The following TP53BP1 variants were observed in gnomAD, a reference collection of about 807,000 sequenced individuals.
TP53BP1 encodes the protein TP53-binding protein 1.
TP53BP1 carries 61 observed loss-of-function variants against 200.8 expected under a neutral mutation model. That is an observed-to-expected ratio of 0.30 (90% CI 0.25 to 0.38). TP53BP1 has a LOEUF of 0.38. TP53BP1 is among the 10% of genes least tolerant of loss of function. TP53BP1 has a pLI of 1.00. For synonymous variants in TP53BP1, 822 were observed against 844.3 expected (o/e 0.97, Z 0.46); for missense variants, 2,144 against 2,371.9 (o/e 0.90, Z 2.00).
At chr15:43,423,657 CAA>C (rs34954998) in intron 18 of TP53BP1, among the ~76,000 whole-genome samples, 1,238 of 110,324 alleles carry the variant, frequency 0.011, 17 homozygotes, top group African/African-American at 0.035. Context: ...GACTCCACCT[CAA>C]AAAAAAAAAA....
At chr15:43,480,846 T>A in intron 5 of TP53BP1, 49 bp downstream of exon 5, 1 of 1,602,582 alleles carries the variant, frequency 6.2e-7, no homozygotes, top group East Asian at 2.2e-5. Flanking sequence ...ACAATCATGT[T>A]AAAGGGAAGT....
At position 43,406,800 on chromosome 15, in the gene TP53BP1, C is replaced by G; in HGVS notation, c.*583G>C. The G allele has an allele frequency of 2.8e-6, 1 of 354,388 alleles. No homozygotes were observed. The highest frequency in any genetic ancestry group is 2.3e-5 in the South Asian group (1 of 43,518). 22.0% of individuals were successfully genotyped at this position (354,388 alleles called of 1,614,324 possible). ...TTTATCTTACGGAAGGTCATTCCAT[C>G]AAGCTTATGGTCACTGTCCCTTCAT... On this transcript the variant is annotated 3_prime_UTR_variant, in exon 28 of 28. Transcript: ENST00000382044.
At position 43,422,143 on chromosome 15, in the gene TP53BP1, G is replaced by C. The variant is rs778644884; in HGVS notation, c.3829-17C>G. ...TTCAGTCTCCTGCAAGGAAAAAATA[G>C]ATACAGAAGATAAAAGATGCCATAA... On this transcript the variant is annotated splice_polypyrimidine_tract_variant and intron_variant, in intron 18 of 27. Transcript: ENST00000382044. The C allele has an allele frequency of 6.8e-6, 11 of 1,608,878 alleles. No homozygotes were observed. The highest frequency in any genetic ancestry group is 7.6e-6 in the Non-Finnish European group (9 of 1,177,832).
In TP53BP1 at chr15:43,407,284, C is replaced by T; in HGVS notation, c.*99G>A. ...CAGCAAATAAAACTATATACAAGAT[C>T]CATGCAAGGAATCCAGTTACACACA... On this transcript the variant is annotated 3_prime_UTR_variant, in exon 28 of 28. Transcript: ENST00000382044. 1.0e-6 allele frequency: 1 copy of T among 975,702 alleles called. No homozygotes were observed. The highest frequency in any genetic ancestry group is 2.4e-5 in the East Asian group (1 of 41,038). The allele number at this position is 975,702 out of a possible 1,614,324, so 60.4% of individuals were successfully genotyped here.
At chr15:43,489,016 C>T (rs1163949299) in intron 4 of TP53BP1, among the ~76,000 whole-genome samples, 1 of 152,248 alleles carries the variant, frequency 6.6e-6, no homozygotes, top group African/African-American at 2.4e-5. Context: ...TCATACTGCA[C>T]ATAGAAATGT....
chr15:43,474,548 G>T, intron 10 of TP53BP1, 125 bp downstream of exon 10: 3 of 539,138 alleles, frequency 5.6e-6, no homozygotes, highest in South Asian at 2.8e-5. Context: ...AGACAAACAT[G>T]AGTCCTACCG....
upstream of TP53BP1, chr15:43,493,310 A>C (rs2140161795): frequency 1.8e-6 from 2 of 1,121,828 alleles, no homozygotes; most frequent in South Asian, 1.6e-5. Flanking sequence ...GGCAGCATGG[A>C]CGTTGCAGGC....
chr15:43,472,916 T>C (rs995978291), intron 10 of TP53BP1, among the ~76,000 whole-genome samples: 5 of 152,166 alleles, frequency 3.3e-5, no homozygotes, highest in African/African-American at 1.2e-4. Context: ...ACCCTCACGG[T>C]GAGAGTTACA....
chr15:43,404,024 A>G lies in TP53BP1; in HGVS notation c.*3359T>C. ...TAGTTCAGTCCTGAATAGTTTATTCAGCCCATCAAATAAGCATTGGGTTGT... is the reference window on the plus strand; with the variant it reads ...TAGTTCAGTCCTGAATAGTTTATTCGGCCCATCAAATAAGCATTGGGTTGT... On this transcript the variant is annotated 3_prime_UTR_variant, in exon 28 of 28. Transcript: ENST00000382044. 1.8e-6 allele frequency: 1 copy of G among 559,262 alleles called. No homozygotes were observed. Among genetic ancestry groups the G allele is most frequent in the East Asian group, 2.9e-5 (1 of 34,058 alleles). 34.6% of individuals were successfully genotyped at this position (559,262 alleles called of 1,614,324 possible).
At chr15:43,455,493 G>C (rs2046271512) in intron 12 of TP53BP1, among the ~76,000 whole-genome samples, 1 of 152,170 alleles carries the variant, frequency 6.6e-6, no homozygotes, top group African/African-American at 2.4e-5. Context: ...GGCCAAGGCA[G>C]GTAGATCACT....
chr15:43,439,695 C>T, intron 15 of TP53BP1, among the ~76,000 whole-genome samples: 1 of 152,032 alleles, frequency 6.6e-6, no homozygotes, highest in East Asian at 1.9e-4. Context: ...AATTTATTCA[C>T]AACAATATCA....
chr15:43,481,460 T>TACACAC (rs61433356), intron 4 of TP53BP1, among the ~76,000 whole-genome samples: 22,054 of 143,620 alleles, frequency 0.15, 1,829 homozygotes, highest in Middle Eastern at 0.22. Context: ...TGTATATAAA[T>TACACAC]ACACACACAC....
chr15:43,491,227 C>G (rs1041121857), intron 4 of TP53BP1, among the ~76,000 whole-genome samples: 3 of 151,854 alleles, frequency 2.0e-5, no homozygotes, highest in African/African-American at 7.3e-5. Context: ...ATTACAGGCA[C>G]GCACCACCAG....
rs534483231 is a variant in TP53BP1 at position 43,429,667 on chromosome 15, G to A, written c.3676-1499C>T. Among the ~76,000 whole-genome samples, 27 of 152,298 alleles carry A rather than the reference G, an allele frequency of 1.8e-4. 1 individual carries two copies. In the South Asian group the frequency reaches 5.6e-3, roughly 32 times the overall value. On this transcript the variant is annotated intron_variant, in intron 17 of 27. Transcript: ENST00000382044. ...GAAATATTTACTAAAATGGAGATAT[G>A]TAAATTATGTGACTAGTTATAAATA...
At chr15:43,484,402 C>T (rs923797043) in intron 4 of TP53BP1, among the ~76,000 whole-genome samples, 1 of 152,190 alleles carries the variant, frequency 6.6e-6, no homozygotes, top group Non-Finnish European at 1.5e-5. Context: ...GGTCTTCCTG[C>T]CTCTAGCCTT....
chr15:43,452,645 TCTC>T lies in TP53BP1; in HGVS notation c.2716+3244_2716+3246del, dbSNP rs368927392. On this transcript the variant is annotated intron_variant, in intron 12 of 27. Coordinates refer to ENST00000382044, the MANE Select transcript of TP53BP1 (RefSeq NM_001141980.3). ...TAGTTAAAATTATTTTTATTTAACTTCTCCTCATAAATACTATTTTCCAACCAC... is the reference window on the plus strand; with the variant it reads ...TAGTTAAAATTATTTTTATTTAACTTCTCATAAATACTATTTTCCAACCAC... Among the ~76,000 whole-genome samples the T allele has an allele frequency of 2.0e-3, 297 of 152,306 alleles. 2 individuals carry two copies. Among genetic ancestry groups the T allele is most frequent in the African/African-American group, 6.7e-3 (277 of 41,564 alleles).
chr15:43,427,351 A>T lies in TP53BP1; in HGVS notation c.3828+665T>A, dbSNP rs188789498. Among the ~76,000 whole-genome samples the T allele has an allele frequency of 1.9e-3, 290 of 152,368 alleles. 3 individuals carry two copies. The highest frequency in any genetic ancestry group is 2.8e-3 in the Non-Finnish European group (192 of 68,040). ...AGTAGACATGAAAATATGTGAGAAA[A>T]CACAGGTAGTTTGAAACGGAGTGTT... On this transcript the variant is annotated intron_variant, in intron 18 of 27. Coordinates refer to ENST00000382044, the MANE Select transcript of TP53BP1 (RefSeq NM_001141980.3).
intron 21 of TP53BP1, 22 bp downstream of exon 21, chr15:43,420,283 C>T (rs145948732): frequency 3.7e-6 from 6 of 1,604,088 alleles, no homozygotes; most frequent in Middle Eastern, 3.3e-4. Context: ...AAAATCTCTA[C>T]AAACTCTGCT....
In TP53BP1 at chr15:43,405,761, C is replaced by G. The variant is rs183936937; in HGVS notation, c.*1622G>C. ...ATATACTTAAAAGTATTTCTTAGGC[C>G]GGGCATGGTGGCTCACACCTGTAAT... is the stretch of plus-strand genomic sequence containing the variant. On this transcript the variant is annotated 3_prime_UTR_variant, in exon 28 of 28. Coordinates refer to ENST00000382044, the MANE Select transcript of TP53BP1 (RefSeq NM_001141980.3). 6.6e-6 allele frequency: 1 copy of G among 152,518 alleles called. No homozygotes were observed. Among genetic ancestry groups the G allele is most frequent in the Non-Finnish European group, 1.5e-5 (1 of 68,514 alleles). The allele number at this position is 152,518 out of a possible 1,614,324, so 9.4% of individuals were successfully genotyped here.
Sources: allele counts gnomAD v4.1 joint callset (sites outside exome capture counted in the v4.1 genomes callset), GRCh38; gene constraint gnomAD v4.1.1; transcripts MANE v1.5; gene names NCBI Gene and HGNC (gene_info 2026-07-23, HGNC 2026-07-21).